The following PCSK2 variants were observed in gnomAD, a reference collection of about 807,000 sequenced individuals.
PCSK2 encodes the protein neuroendocrine convertase 2.
A neutral mutation model predicts 69.7 loss-of-function variants in PCSK2; 14 were observed. That is an observed-to-expected ratio of 0.20 (90% CI 0.13 to 0.31). The LOEUF (loss-of-function observed/expected upper bound fraction) is 0.31, where lower values mean the gene tolerates loss of function less well. Among genes scored for constraint, PCSK2 ranks in the 10% least tolerant of loss-of-function variants. The probability of loss-of-function intolerance (pLI) is 1.00; values close to 1 mark genes in which losing one functional copy is unlikely to be tolerated. For missense variants in PCSK2, 544 were observed against 842.5 expected (o/e 0.65, Z 4.39); for synonymous variants, 307 against 320.7 (o/e 0.96, Z 0.46).
At chr20:17,282,922 A>G (rs1257013375) in intron 2 of PCSK2, among the ~76,000 whole-genome samples, 4 of 152,062 alleles carry the variant, frequency 2.6e-5, no homozygotes, top group Non-Finnish European at 2.9e-5. Context: ...TTATTTCTCT[A>G]TGTTCTAGGG....
rs563153336 is a variant in PCSK2, at chr20:17,462,657, C to T, written c.1203-2669C>T. 5.3e-5 allele frequency among the ~76,000 whole-genome samples: 8 copies of T among 152,310 alleles called. No homozygotes were observed. The South Asian group carries it at 1.7e-3, about 32-fold the overall frequency. ...ATCCGTCTGACATGCCCAGAGTTAG[C>T]ACGATGCCTGAATGTGGTAGACACT... On this transcript the variant is annotated intron_variant, in intron 10 of 11. Coordinates refer to ENST00000262545, the MANE Select transcript of PCSK2 (RefSeq NM_002594.5).
chr20:17,420,900 GGTAA>G (rs2032109558), intron 6 of PCSK2, among the ~76,000 whole-genome samples: 1 of 152,136 alleles, frequency 6.6e-6, no homozygotes, highest in East Asian at 1.9e-4. Context: ...CATGGCACAT[GGTAA>G]GCACTCCCTA....
intron 5 of PCSK2, among the ~76,000 whole-genome samples, chr20:17,371,033 C>T (rs1335054545): frequency 1.3e-5 from 2 of 152,168 alleles, no homozygotes; most frequent in African/African-American, 4.8e-5. Context: ...GGACCCAGTG[C>T]CTCACAGGGC....
At chr20:17,281,171 A>G (rs1423682514) in intron 2 of PCSK2, among the ~76,000 whole-genome samples, 2 of 152,194 alleles carry the variant, frequency 1.3e-5, no homozygotes, top group African/African-American at 4.8e-5. Context: ...TTTACCATCC[A>G]CGTTGACTAC....
At chr20:17,285,797 A>G (rs1029945570) in intron 2 of PCSK2, among the ~76,000 whole-genome samples, 4 of 152,154 alleles carry the variant, frequency 2.6e-5, no homozygotes, top group Non-Finnish European at 5.9e-5. Context: ...CTTGCTCCAG[A>G]TTTTAAGGAC....
intron 1 of PCSK2, among the ~76,000 whole-genome samples, chr20:17,251,245 C>T (rs1228184300): frequency 6.6e-6 from 1 of 152,142 alleles, no homozygotes; most frequent in African/African-American, 2.4e-5. Flanking sequence ...TTCCTCTCCC[C>T]TCACTTTTTT....
intron 1 of PCSK2, among the ~76,000 whole-genome samples, chr20:17,247,033 A>G (rs1010097743): frequency 6.6e-6 from 1 of 152,202 alleles, no homozygotes; most frequent in African/African-American, 2.4e-5. Flanking sequence ...ACCAGTAATC[A>G]TCTCTGGGCA....
intron 2 of PCSK2, among the ~76,000 whole-genome samples, chr20:17,280,119 G>T (rs1410329165): frequency 6.6e-6 from 1 of 152,142 alleles, no homozygotes; most frequent in Non-Finnish European, 1.5e-5. Flanking sequence ...TGCACATATG[G>T]AAATAGAGAG....
intron 2 of PCSK2, among the ~76,000 whole-genome samples, chr20:17,354,766 T>G (rs1228178563): frequency 6.6e-6 from 1 of 152,168 alleles, no homozygotes; most frequent in Non-Finnish European, 1.5e-5. Flanking sequence ...GGTAGGATAC[T>G]CAGTGAAAAA....
chr20:17,464,569 C>G (rs1018543315), intron 10 of PCSK2: 9 of 152,294 alleles, frequency 5.9e-5, no homozygotes, highest in African/African-American at 2.2e-4. Flanking sequence ...AGTCACTGCC[C>G]CACGAGACTG....
chr20:17,294,110 T>C (rs1179727244), intron 2 of PCSK2, among the ~76,000 whole-genome samples: 2 of 141,272 alleles, frequency 1.4e-5, no homozygotes, highest in Non-Finnish European at 3.1e-5. Context: ...TTTTTTTTTT[T>C]TTTTTTTTTT....
At chr20:17,228,936 C>T (rs6105731) in intron 1 of PCSK2, among the ~76,000 whole-genome samples, 1 of 152,132 alleles carries the variant, frequency 6.6e-6, no homozygotes, top group African/African-American at 2.4e-5. Flanking sequence ...AAGGCGCCGG[C>T]GGAGGGAGCA....
At chr20:17,459,301 G>C (rs967879297) in intron 10 of PCSK2, among the ~76,000 whole-genome samples, 1 of 152,182 alleles carries the variant, frequency 6.6e-6, no homozygotes, top group East Asian at 1.9e-4. Flanking sequence ...CATTCTCATT[G>C]TTGAATATCA....
intron 5 of PCSK2, among the ~76,000 whole-genome samples, chr20:17,370,302 G>A (rs892450146): frequency 6.6e-5 from 10 of 152,200 alleles, no homozygotes; most frequent in African/African-American, 2.4e-4. Context: ...GAGGTCACCA[G>A]TCTGGGTCAT....
chr20:17,479,250 G>T, intron 11 of PCSK2: 1 of 1,190,762 alleles, frequency 8.4e-7, no homozygotes, highest in Non-Finnish European at 1.3e-6. Flanking sequence ...ACATTTATAA[G>T]CTTTTCCCAG....
rs11481325 is a variant in PCSK2 at position 17,437,985 on chromosome 20, T to TCC, written c.885+1108_885+1109dup. On this transcript the variant is annotated intron_variant, in intron 8 of 11. Transcript: ENST00000262545. ...CTGTCCTGGCTGCCAGGCCAGCAGT[T>TCC]CCCCCCCACCCACACCGTGCTCCCA... Among the ~76,000 whole-genome samples the TCC allele has an allele frequency of 8.8e-3, 1,320 of 149,998 alleles. 7 individuals carry two copies. The highest frequency in any genetic ancestry group is 0.028 in the Middle Eastern group (8 of 288).
chr20:17,327,254 C>G (rs1347916652), intron 2 of PCSK2, among the ~76,000 whole-genome samples: 1 of 152,198 alleles, frequency 6.6e-6, no homozygotes, highest in Non-Finnish European at 1.5e-5. Flanking sequence ...GCATGCACAA[C>G]AGCTTTCCTT....
At chr20:17,317,568 T>C (rs59987312) in intron 2 of PCSK2, among the ~76,000 whole-genome samples, 52 of 152,324 alleles carry the variant, frequency 3.4e-4, no homozygotes, top group African/African-American at 1.2e-3. Context: ...TGTTTTTCTT[T>C]TACTAACAGC....
chr20:17,337,201 C>T (rs1314158341), intron 2 of PCSK2, among the ~76,000 whole-genome samples: 2 of 152,206 alleles, frequency 1.3e-5, no homozygotes, highest in Admixed American at 6.5e-5. Context: ...CCAATATGTG[C>T]TTCCTAAAGG....
Sources: allele counts gnomAD v4.1 joint callset (sites outside exome capture counted in the v4.1 genomes callset), GRCh38; gene constraint gnomAD v4.1.1; transcripts MANE v1.5; gene names NCBI Gene and HGNC (gene_info 2026-07-23, HGNC 2026-07-21).